The following IQCH variants were observed in gnomAD, a reference collection of about 807,000 sequenced individuals.
IQCH encodes IQ motif containing H.
In IQCH, 98 loss-of-function variants were observed where a neutral mutation model predicts 117.0. The ratio of observed to expected loss-of-function variants is 0.84; its 90% CI spans 0.71 to 0.99. The LOEUF (loss-of-function observed/expected upper bound fraction) is 0.99, where lower values mean the gene tolerates loss of function less well. Ranked by LOEUF, IQCH falls within the 50% of genes least tolerant of loss-of-function variation. The pLI, the probability that IQCH is intolerant of heterozygous loss-of-function variation, is 0.00. For synonymous variants in IQCH, 412 were observed against 448.2 expected (o/e 0.92, Z 1.02); for missense variants, 1,102 against 1,243.8 (o/e 0.89, Z 1.72).
At chr15:67,402,136 C>T (rs938849671) in intron 14 of IQCH, among the ~76,000 whole-genome samples, 1 of 152,040 alleles carries the variant, frequency 6.6e-6, no homozygotes, top group Non-Finnish European at 1.5e-5. Context: ...TATTTTAAAC[C>T]GTAGCATTTT....
intron 4 of IQCH, among the ~76,000 whole-genome samples, chr15:67,293,342 A>G (rs553184403): frequency 6.6e-6 from 1 of 152,190 alleles, no homozygotes; most frequent in African/African-American, 2.4e-5. Context: ...GTTGTCCCTC[A>G]CTATTCGTGG....
chr15:67,333,269 G>A (rs1277494239), intron 4 of IQCH, among the ~76,000 whole-genome samples: 2 of 152,194 alleles, frequency 1.3e-5, no homozygotes, highest in Non-Finnish European at 2.9e-5. Flanking sequence ...TCTGCCTGCT[G>A]CTTTTAACTA....
chr15:67,462,922 C>T (rs1000690084), intron 16 of IQCH, among the ~76,000 whole-genome samples: 1 of 152,182 alleles, frequency 6.6e-6, no homozygotes, highest in Non-Finnish European at 1.5e-5. Context: ...TTTACAACTG[C>T]AACAGATACT....
chr15:67,500,508 C>A lies in IQCH; in HGVS notation c.2971-125C>A. Reference sequence around the variant, plus strand: ...TAAGCCATAATCTGTAGACAAATGCCAGTTGGTAGAATACATTCTGAATAG... The same window carrying A: ...TAAGCCATAATCTGTAGACAAATGCAAGTTGGTAGAATACATTCTGAATAG... On this transcript the variant is annotated intron_variant, in intron 20 of 20. Transcript: ENST00000335894. The surrounding 1 kb of genome is among the most constrained non-coding windows in gnomAD (Gnocchi z 4.4). The A allele has an allele frequency of 2.3e-6, 1 of 439,012 alleles. No homozygotes were observed. Among genetic ancestry groups the A allele is most frequent in the Non-Finnish European group, 4.2e-6 (1 of 239,748 alleles). 27.2% of individuals were successfully genotyped at this position (439,012 alleles called of 1,614,324 possible). A position where few individuals can be genotyped will look rare whatever the true frequency, so the allele number is the denominator to read the frequency against.
rs951174256 is a variant in IQCH at position 67,472,373 on chromosome 15, G to T, written c.2677-3323G>T. ...GGTCTACCCACCACACCAGGGTCTA[G>T]ATTTCACCGTGAAGGCAAAAAGGCC... On this transcript the variant is annotated intron_variant, in intron 17 of 20. Transcript: ENST00000335894. The surrounding 1 kb of genome is among the most constrained non-coding windows in gnomAD (Gnocchi z 4.3). 6.6e-6 allele frequency among the ~76,000 whole-genome samples: 1 copy of T among 152,146 alleles called. No homozygotes were observed. Among genetic ancestry groups the T allele is most frequent in the African/African-American group, 2.4e-5 (1 of 41,420 alleles).
intron 16 of IQCH, 56 bp downstream of exon 16, chr15:67,421,633 A>T: frequency 6.5e-7 from 1 of 1,543,820 alleles, no homozygotes; most frequent in Non-Finnish European, 8.9e-7. Context: ...TCCGCACCCT[A>T]CACACCTACA....
chr15:67,380,009 C>T (rs983619577), intron 10 of IQCH, among the ~76,000 whole-genome samples: 2 of 152,084 alleles, frequency 1.3e-5, no homozygotes, highest in African/African-American at 4.8e-5. Flanking sequence ...TGTGCCACCA[C>T]GCCCAGCTAA....
At chr15:67,262,918 A>G (rs1965518639) in intron 2 of IQCH, among the ~76,000 whole-genome samples, 1 of 152,112 alleles carries the variant, frequency 6.6e-6, no homozygotes, top group Non-Finnish European at 1.5e-5. Context: ...AGGTCACTCA[A>G]GCTTTGAGTC....
At chr15:67,339,978 G>A (rs564763592) in intron 5 of IQCH, among the ~76,000 whole-genome samples, 1 of 151,428 alleles carries the variant, frequency 6.6e-6, no homozygotes, top group East Asian at 1.9e-4. Flanking sequence ...CTCTCTTCTA[G>A]AAGTCCTCCA....
chr15:67,464,210 A>G (rs1007505122), intron 16 of IQCH, among the ~76,000 whole-genome samples: 2 of 152,184 alleles, frequency 1.3e-5, no homozygotes, highest in African/African-American at 4.8e-5. Flanking sequence ...TGCCTTGAAC[A>G]TTGAACTGAG....
rs565950655 is a variant in IQCH, at chr15:67,467,935, G to C, written c.2676+2638G>C. Among the ~76,000 whole-genome samples, 2 of 152,284 alleles carry C rather than the reference G, an allele frequency of 1.3e-5. No individual in the cohort carries two copies. Among genetic ancestry groups the C allele is most frequent in the Non-Finnish European group, 2.9e-5 (2 of 68,016 alleles). ...AACACCTTCCTGGGCTCTCAGAAGA[G>C]CTGTTGTCTCATCTCAGAAACAGGT... On this transcript the variant is annotated intron_variant, in intron 17 of 20. Coordinates refer to ENST00000335894, the MANE Select transcript of IQCH (RefSeq NM_001031715.3). This position sits in a 1 kb window ranked among gnomAD's most constrained non-coding sequence, Gnocchi z 5.7.
chr15:67,400,283 A>C lies in IQCH; in HGVS notation c.2075A>C (p.Asp692Ala), dbSNP rs771097490. 2.5e-6 allele frequency: 4 copies of C among 1,613,512 alleles called. No individual in the cohort carries two copies. The Middle Eastern group carries it at 6.6e-4, about 266-fold the overall frequency. Reference sequence around the variant, plus strand: ...GAGAGTAGCAGATATGGCCTTGAAGACTGGAGAAAGAAATGGGCACAAGTG... The same window carrying C: ...GAGAGTAGCAGATATGGCCTTGAAGCCTGGAGAAAGAAATGGGCACAAGTG... ...LKESSRYGLE[D>A]WRKKWAQEPA... The change falls in exon 14 of 21, where the codon GAC becomes GCC. Residue 692 changes from aspartate to alanine, a missense_variant. Physicochemically the swap from Asp to Ala is moderately radical, Grantham distance 126. Around this residue, in one of 2 missense-constraint regions of IQCH, gnomAD observed 650 missense variants for 794.3 expected, o/e 0.82. Transcript: ENST00000335894.
At chr15:67,290,529 G>A (rs1966716422) in intron 4 of IQCH, among the ~76,000 whole-genome samples, 1 of 152,034 alleles carries the variant, frequency 6.6e-6, no homozygotes, top group Non-Finnish European at 1.5e-5. Flanking sequence ...CCTGTGGGTA[G>A]TGACTGGCAA....
intron 4 of IQCH, among the ~76,000 whole-genome samples, chr15:67,316,096 T>A (rs948064604): frequency 6.6e-6 from 1 of 152,206 alleles, no homozygotes; most frequent in Admixed American, 6.5e-5. Context: ...GATGTACTAA[T>A]ACGTTATATG....
At chr15:67,336,741 A>G (rs1472154540) in intron 4 of IQCH, among the ~76,000 whole-genome samples, 1 of 152,220 alleles carries the variant, frequency 6.6e-6, no homozygotes, top group Non-Finnish European at 1.5e-5. Flanking sequence ...TTGACTTTAT[A>G]TAGTGGAAAT....
In IQCH at chr15:67,298,504, T is replaced by A. The variant is rs148203530; in HGVS notation, c.387+18992T>A. Among the ~76,000 whole-genome samples the A allele has an allele frequency of 6.8e-4, 104 of 151,956 alleles. 4 individuals are homozygous for A. The East Asian group carries it at 0.012, about 18-fold the overall frequency. The stretch of plus-strand genomic sequence containing the variant: ...CAAGTATGTGGAGAAAACAGAAACC[T>A]CCTACACAGTTGGTAGGAATGTAAA... On this transcript the variant is annotated intron_variant, in intron 4 of 20. Transcript: ENST00000335894.
At chr15:67,410,805 A>T (rs2081430758) in intron 14 of IQCH, among the ~76,000 whole-genome samples, 2 of 152,206 alleles carry the variant, frequency 1.3e-5, no homozygotes, top group Admixed American at 1.3e-4. Context: ...CATACATTTG[A>T]CAGCACTGAC....
chr15:67,442,817 G>GAGAC (rs1376525556), intron 16 of IQCH, among the ~76,000 whole-genome samples: 1 of 138,174 alleles, frequency 7.2e-6, no homozygotes, highest in African/African-American at 2.7e-5. Flanking sequence ...AAGAAACTGT[G>GAGAC]AGATAGATAG....
chr15:67,409,806 T>C (rs78886831), intron 14 of IQCH, among the ~76,000 whole-genome samples: 1 of 152,248 alleles, frequency 6.6e-6, no homozygotes, highest in Non-Finnish European at 1.5e-5. Flanking sequence ...CTTGGTAATG[T>C]TGGCTGTTTT....
Sources: allele counts gnomAD v4.1 joint callset (sites outside exome capture counted in the v4.1 genomes callset), GRCh38; gene constraint gnomAD v4.1.1; regional missense constraint gnomAD v4.1.1; non-coding constraint Gnocchi (gnomAD v3.1); transcripts MANE v1.5; gene names NCBI Gene and HGNC (gene_info 2026-07-23, HGNC 2026-07-21).